Variants in DNHD1 observed in about 807,000 individuals in gnomAD.
DNHD1 encodes the protein dynein heavy chain domain 1.
A neutral mutation model predicts 458.1 loss-of-function variants in DNHD1; 383 were observed. That is an observed-to-expected ratio of 0.84 (90% CI 0.77 to 0.91). DNHD1 has a LOEUF of 0.91. Ranked by LOEUF, DNHD1 falls within the 40% of genes least tolerant of loss-of-function variation. The pLI is 0.00. For missense variants in DNHD1, 5,336 were observed against 5,866.1 expected (o/e 0.91, Z 2.95); for synonymous variants, 2,203 against 2,376.9 (o/e 0.93, Z 2.13).
intron 14 of DNHD1, among the ~76,000 whole-genome samples, chr11:6,537,619 C>T (rs1364881054): frequency 6.6e-6 from 1 of 151,970 alleles, no homozygotes; most frequent in Non-Finnish European, 1.5e-5. Context: ...AACCAGATAG[C>T]CTGCATAGGC....
chr11:6,570,372 C>T lies in DNHD1; in HGVS notation c.13081C>T (p.Leu4361=). The part of the protein sequence containing the change: ...WVQPHTPQSL[L]ATLMPLPELR... Reference sequence around the variant, plus strand: ...CCAGCCACACACACCTCAGTCTTTGCTGGCCACGCTCATGCCCCTCCCAGG... The same window carrying T: ...CCAGCCACACACACCTCAGTCTTTGTTGGCCACGCTCATGCCCCTCCCAGG... The change falls in exon 41 of 43, where the codon CTG becomes TTG. Residue 4361 remains leucine (L), a synonymous_variant. Coordinates refer to ENST00000254579, the MANE Select transcript of DNHD1 (RefSeq NM_144666.3). 1.9e-6 allele frequency: 3 copies of T among 1,610,362 alleles called. No homozygotes were observed. Among genetic ancestry groups the T allele is most frequent in the Non-Finnish European group, 2.5e-6 (3 of 1,178,508 alleles).
At chr11:6,539,426 T>C in intron 17 of DNHD1, 113 bp downstream of exon 17, 2 of 791,374 alleles carry the variant, frequency 2.5e-6, no homozygotes, top group South Asian at 3.2e-5. Context: ...TTGAGCCTGC[T>C]AACCTGCCTG....
intron 3 of DNHD1, among the ~76,000 whole-genome samples, chr11:6,501,450 G>T (rs1108587): frequency 0.032 from 4,888 of 151,960 alleles, 269 homozygotes; most frequent in African/African-American, 0.11. Flanking sequence ...GAGAATAAGG[G>T]GTCCAGAGCA....
chr11:6,540,695 A>G (rs1853080279), intron 18 of DNHD1, among the ~76,000 whole-genome samples: 1 of 152,228 alleles, frequency 6.6e-6, no homozygotes, highest in South Asian at 2.1e-4. Context: ...GACTTTTTGA[A>G]GGAGTAAGAG....
intron 16 of DNHD1, 91 bp downstream of exon 16, chr11:6,538,901 A>T: frequency 7.8e-7 from 1 of 1,280,282 alleles, no homozygotes; most frequent in Non-Finnish European, 1.1e-6. Context: ...TCCTGCTGGA[A>T]ACACCTTTCA....
At position 6,497,652 on chromosome 11, in the gene DNHD1, C is replaced by G. The variant is rs1852054380; in HGVS notation, c.-461C>G. On this transcript the variant is annotated 5_prime_UTR_variant, in exon 2 of 43. Transcript: ENST00000254579. ...TTCAGAGTGAGCTCTGTCGGTGTGTCAGTTTGCCTCTTCAGGTGATTGCAC... is the reference window on the plus strand; with the variant it reads ...TTCAGAGTGAGCTCTGTCGGTGTGTGAGTTTGCCTCTTCAGGTGATTGCAC... 1 of 153,678 alleles carries G rather than the reference C, an allele frequency of 6.5e-6. No homozygotes were observed. The highest frequency in any genetic ancestry group is 2.4e-5 in the African/African-American group (1 of 41,442). The allele number at this position is 153,678 out of a possible 1,614,324, so 9.5% of individuals were successfully genotyped here. A position where few individuals can be genotyped will look rare whatever the true frequency, so the allele number is the denominator to read the frequency against.
chr11:6,519,113 T>A (rs1180742261), intron 7 of DNHD1, among the ~76,000 whole-genome samples: 2 of 152,104 alleles, frequency 1.3e-5, no homozygotes, highest in Non-Finnish European at 2.9e-5. Flanking sequence ...CCACATTCCC[T>A]CTCCTCTAAT....
intron 18 of DNHD1, among the ~76,000 whole-genome samples, chr11:6,542,371 G>C (rs1346886472): frequency 6.6e-6 from 1 of 152,168 alleles, no homozygotes; most frequent in African/African-American, 2.4e-5. Context: ...CAAAGTAAAG[G>C]CTCTGGATAA....
At chr11:6,555,581 C>G (rs4758111) in intron 24 of DNHD1, among the ~76,000 whole-genome samples, 45,065 of 152,026 alleles carry the variant, frequency 0.3, 8,072 homozygotes, top group East Asian at 0.74. Context: ...ACCAGTTTAA[C>G]TGGGGGCTCT....
intron 24 of DNHD1, among the ~76,000 whole-genome samples, chr11:6,554,397 G>A (rs1281027007): frequency 1.3e-5 from 2 of 152,088 alleles, no homozygotes; most frequent in South Asian, 2.1e-4. Flanking sequence ...AGAAAAATCT[G>A]TGTGACCTTG....
In DNHD1 at chr11:6,532,834, G is replaced by A. The variant is rs945805001; in HGVS notation, c.2348-193G>A. ...CTTTCTGTCTCATTCATTTGCTCTC[G>A]TCTACCAGTATAGAGCACAGTCCCC... is the stretch of plus-strand genomic sequence containing the variant. On this transcript the variant is annotated intron_variant, in intron 12 of 42. Coordinates refer to ENST00000254579, the MANE Select transcript of DNHD1 (RefSeq NM_144666.3). Among the ~76,000 whole-genome samples, 5 of 152,008 alleles carry A rather than the reference G, an allele frequency of 3.3e-5. No homozygotes were observed. The South Asian group carries it at 6.2e-4, about 19-fold the overall frequency.
intron 4 of DNHD1, 187 bp from the exon 5 acceptor site, chr11:6,508,693 G>T: frequency 1.7e-6 from 1 of 590,378 alleles, no homozygotes; most frequent in Non-Finnish European, 2.9e-6. Context: ...CTTTGGCTTC[G>T]GTTTCTTCTT....
At chr11:6,520,556 T>C in intron 10 of DNHD1, 1 of 1,287,568 alleles carries the variant, frequency 7.8e-7, no homozygotes, top group Non-Finnish European at 9.9e-7. Context: ...CTTCCAAACC[T>C]GATTCATCCC....
intron 14 of DNHD1, 80 bp downstream of exon 14, chr11:6,534,253 T>C (rs1297394335): frequency 2.1e-6 from 3 of 1,431,902 alleles, no homozygotes; most frequent in Non-Finnish European, 2.8e-6. Flanking sequence ...CTCAGGGTTC[T>C]GTGTCCTGTA....
intron 14 of DNHD1, 151 bp from the exon 15 acceptor site, chr11:6,538,232 A>G: frequency 1.5e-6 from 1 of 647,636 alleles, no homozygotes; most frequent in Non-Finnish European, 2.7e-6. Context: ...TCCATTGTTG[A>G]GCCAAACAAT....
At chr11:6,520,337 A>G (rs1852580928) in intron 10 of DNHD1, 48 bp downstream of exon 10, 1 of 1,551,302 alleles carries the variant, frequency 6.4e-7, no homozygotes, top group Non-Finnish European at 8.7e-7. Context: ...AAGGAGGGAA[A>G]GGGCACAAGT....
rs766751413 is a variant in DNHD1 at position 6,508,865 on chromosome 11, G to A, written c.921-15G>A. The stretch of plus-strand genomic sequence containing the variant: ...GTTCCCAGGGCCTTCACTGATCAGA[G>A]CTCTTTTTTTAAAGGCCTTACAGCC... On this transcript the variant is annotated splice_polypyrimidine_tract_variant and intron_variant, in intron 4 of 42. Coordinates refer to ENST00000254579, the MANE Select transcript of DNHD1 (RefSeq NM_144666.3). 3.1e-6 allele frequency: 5 copies of A among 1,613,540 alleles called. No homozygotes were observed. The highest frequency in any genetic ancestry group is 1.1e-5 in the South Asian group (1 of 91,058).
chr11:6,498,516 C>T lies in DNHD1; in HGVS notation c.301C>T (p.His101Tyr), dbSNP rs779069300. 48 of 1,614,098 alleles carry T rather than the reference C, an allele frequency of 3.0e-5. No individual in the cohort carries two copies. Among genetic ancestry groups the T allele is most frequent in the Non-Finnish European group, 3.9e-5 (46 of 1,180,038 alleles). ...TCCATATCGTGAGTTGCTAGTTGGC[C>T]ACCTTGATTTGCTGCCCTTCCTGGA... ...LPPYRELLVG[H>Y]LDLLPFLEQL... Residue 101 changes from histidine (H) to tyrosine (Y), a missense_variant, in exon 3 of 43, where the codon CAC becomes TAC. By Grantham distance (83) the His-to-Tyr change is moderately conservative (BLOSUM62 2). Around this residue, in one of 4 missense-constraint regions of DNHD1, gnomAD observed 3,932 missense variants for 4,365.6 expected, o/e 0.90. Coordinates refer to ENST00000254579, the MANE Select transcript of DNHD1 (RefSeq NM_144666.3).
At chr11:6,503,369 C>T (rs1410327350) in intron 4 of DNHD1, 2 of 153,686 alleles carry the variant, frequency 1.3e-5, no homozygotes, top group Non-Finnish European at 2.9e-5. Context: ...TAACTTCTAC[C>T]TCCTGGCTCT....
Sources: allele counts gnomAD v4.1 joint callset (sites outside exome capture counted in the v4.1 genomes callset), GRCh38; gene constraint gnomAD v4.1.1; regional missense constraint gnomAD v4.1.1; transcripts MANE v1.5; gene names NCBI Gene and HGNC (gene_info 2026-07-23, HGNC 2026-07-21).